DIABLO: variants seen among roughly 807,000 people sequenced by gnomAD.
The protein encoded by DIABLO is diablo IAP-binding mitochondrial protein.
Under a neutral mutation model 31.7 loss-of-function variants are expected in DIABLO, and 32 were observed. The observed-to-expected ratio is 1.01, with a 90% confidence interval of 0.76 to 1.35. The LOEUF is 1.35. Ranked by LOEUF, DIABLO falls within the 40% of genes most tolerant of loss-of-function variation. DIABLO has a pLI of 0.00. For missense variants in DIABLO, 316 were observed against 286.4 expected, an observed-to-expected ratio of 1.10 and a Z score of -0.75; for synonymous variants, 132 against 103.2, an observed-to-expected ratio of 1.28 and a Z score of -1.69.
Position 122,208,395 on chromosome 12 carries a change from G to A in DIABLO, c.706C>T (p.Leu236=), listed in dbSNP as rs766996092. ...ERAESEQEAY[L]RED The stretch of plus-strand genomic sequence containing the variant: ...TGCTCAGGCCCTCAATCCTCACGCA[G>A]GTAGGCCTCCTGCTCCGACTCAGCC... The change falls in exon 6 of 6, where the codon CTG becomes TTG. Residue 236 remains leucine, a synonymous_variant. Transcript: ENST00000464942. The A allele has an allele frequency of 6.2e-7, 1 of 1,612,554 alleles. No homozygotes were observed. The highest frequency in any genetic ancestry group is 8.5e-7 in the Non-Finnish European group (1 of 1,180,006).
chr12:122,226,765 T>G, upstream of DIABLO: 1 of 556,018 alleles, frequency 1.8e-6, no homozygotes. Context: ...CAAACTGCCC[T>G]CGTTCTTCGG....
At chr12:122,215,602 T>C (rs1014897626) in intron 5 of DIABLO, among the ~76,000 whole-genome samples, 1 of 151,844 alleles carries the variant, frequency 6.6e-6, no homozygotes, top group Admixed American at 6.6e-5. Flanking sequence ...AAAACTCCAT[T>C]AAAAAAAATT....
At chr12:122,226,147 G>GGGCA (rs1172320585), upstream of DIABLO, 3 of 1,329,396 alleles carry the variant, frequency 2.3e-6, no homozygotes, top group African/African-American at 4.4e-5. Flanking sequence ...AGTCGGGATT[G>GGGCA]GGCAGGCAGG....
At chr12:122,224,478 T>A (rs903594525) in intron 2 of DIABLO, 34 bp downstream of exon 2, 4 of 1,613,630 alleles carry the variant, frequency 2.5e-6, no homozygotes, top group Non-Finnish European at 3.4e-6. Flanking sequence ...GAGGACACGG[T>A]ACACTAGATA....
intron 1 of DIABLO, chr12:122,225,519 C>T (rs1954440116): frequency 3.8e-6 from 4 of 1,065,468 alleles, no homozygotes; most frequent in Admixed American, 4.9e-5. Flanking sequence ...GGTCCCGCTA[C>T]AATCGCCCAG....
intron 5 of DIABLO, among the ~76,000 whole-genome samples, chr12:122,210,016 T>C (rs1176767910): frequency 6.6e-6 from 1 of 152,230 alleles, no homozygotes; most frequent in Non-Finnish European, 1.5e-5. Flanking sequence ...TCTATGGATA[T>C]ATCATCTCAA....
At position 122,207,800 on chromosome 12, in the gene DIABLO, T is replaced by C. The variant is rs1566018554; in HGVS notation, c.*581A>G. The C allele has an allele frequency of 2.1e-6, 1 of 466,618 alleles. No homozygotes were observed. Among genetic ancestry groups the C allele is most frequent in the South Asian group, 1.5e-5 (1 of 64,586 alleles). The allele number at this position is 466,618 out of a possible 1,614,324, so 28.9% of individuals were successfully genotyped here. A position where few individuals can be genotyped will look rare whatever the true frequency, so the allele number is the denominator to read the frequency against. On this transcript the variant is annotated 3_prime_UTR_variant, in exon 6 of 6. Transcript: ENST00000464942. ...TAAGTCCTGTTGATGTTAAGTCCTGTTGAGAGCACCAGGTAAACACTCTGC... is the reference window on the plus strand; with the variant it reads ...TAAGTCCTGTTGATGTTAAGTCCTGCTGAGAGCACCAGGTAAACACTCTGC...
At chr12:122,226,224 T>C (rs1381388994), upstream of DIABLO, 1 of 796,798 alleles carries the variant, frequency 1.3e-6, no homozygotes, top group Admixed American at 2.0e-5. Context: ...CGCCGGAACT[T>C]CCGCGCGGGG....
chr12:122,222,990 CG>C (rs1954368135), intron 2 of DIABLO, among the ~76,000 whole-genome samples: 1 of 151,870 alleles, frequency 6.6e-6, no homozygotes, highest in Admixed American at 6.6e-5. Flanking sequence ...CTGCTAACTA[CG>C]TTGAGCTAAA....
At chr12:122,208,805 A>G (rs769917474) in intron 5 of DIABLO, 4 of 641,262 alleles carry the variant, frequency 6.2e-6, no homozygotes, top group African/African-American at 3.6e-5. Flanking sequence ...TCAGCGGCCA[A>G]CATCACAATT....
At chr12:122,212,378 G>T (rs911180338) in intron 5 of DIABLO, among the ~76,000 whole-genome samples, 1 of 152,126 alleles carries the variant, frequency 6.6e-6, no homozygotes, top group African/African-American at 2.4e-5. Flanking sequence ...AGTTCTTCCA[G>T]AAAGTGTATA....
intron 5 of DIABLO, among the ~76,000 whole-genome samples, chr12:122,215,725 T>A (rs959082207): frequency 6.6e-6 from 1 of 151,458 alleles, no homozygotes. Flanking sequence ...GCTGGGAGAA[T>A]AGGAGAAGCA....
At chr12:122,213,393 G>GGAGACTGA (rs1362259485) in intron 5 of DIABLO, among the ~76,000 whole-genome samples, 2 of 151,766 alleles carry the variant, frequency 1.3e-5, no homozygotes, top group African/African-American at 4.8e-5. Context: ...CAGCTACCTG[G>GGAGACTGA]GAGACTGACA....
chr12:122,208,117 G>C lies in DIABLO; in HGVS notation c.*264C>G, dbSNP rs949529514. 1.5e-6 allele frequency: 1 copy of C among 657,962 alleles called. No individual in the cohort carries two copies. Among genetic ancestry groups the C allele is most frequent in the Non-Finnish European group, 2.8e-6 (1 of 357,626 alleles). 40.8% of individuals were successfully genotyped at this position (657,962 alleles called of 1,614,324 possible). On this transcript the variant is annotated 3_prime_UTR_variant, in exon 6 of 6. Coordinates refer to ENST00000464942, the MANE Select transcript of DIABLO (RefSeq NM_001371333.1). ...GTAGGCAAAATGCTTTGGGTGTGAG[G>C]TAAAAAAAATGGGTAAGAGCAGCTG...
chr12:122,226,356 G>T (rs1435122593), upstream of DIABLO: 1 of 648,172 alleles, frequency 1.5e-6, no homozygotes, highest in Non-Finnish European at 2.8e-6. Context: ...GAATTTCCTG[G>T]TGAGTTAGGG....
intron 1 of DIABLO, chr12:122,225,726 C>T (rs1007994590): frequency 1.4e-6 from 2 of 1,426,052 alleles, no homozygotes; most frequent in African/African-American, 1.4e-5. Flanking sequence ...AGAAGGCAGC[C>T]CGGGGTCTCG....
At position 122,207,714 on chromosome 12, in the gene DIABLO, A is replaced by C; in HGVS notation, c.*667T>G. 1.8e-6 allele frequency: 1 copy of C among 540,596 alleles called. No homozygotes were observed. The allele number at this position is 540,596 out of a possible 1,614,324, so 33.5% of individuals were successfully genotyped here. A position where few individuals can be genotyped will look rare whatever the true frequency, so the allele number is the denominator to read the frequency against. On this transcript the variant is annotated 3_prime_UTR_variant, in exon 6 of 6. Coordinates refer to ENST00000464942, the MANE Select transcript of DIABLO (RefSeq NM_001371333.1). ...CTTTCAGATGCAAACAAAATCTTACACTCTTCTCCTTTGGATACAATAGAG... is the reference window on the plus strand; with the variant it reads ...CTTTCAGATGCAAACAAAATCTTACCCTCTTCTCCTTTGGATACAATAGAG...
chr12:122,226,393 C>T (rs1487311277), upstream of DIABLO: 3 of 295,060 alleles, frequency 1.0e-5, no homozygotes, highest in Non-Finnish European at 2.0e-5. Context: ...GAGGCGGGGC[C>T]GGGCGGGAGG....
chr12:122,218,621 CA>C (rs35538176), intron 2 of DIABLO: 1 of 558,056 alleles, frequency 1.8e-6, no homozygotes, highest in Non-Finnish European at 3.2e-6. Context: ...TTCTCTGCTC[CA>C]AAAAGCAAAT....
Sources: gnomAD v4.1 joint callset for allele counts (sites outside exome capture counted in the v4.1 genomes callset) on GRCh38, gnomAD v4.1.1 for gene constraint, MANE v1.5 for transcripts, NCBI Gene and HGNC (gene_info 2026-07-23, HGNC 2026-07-21) for gene names.